KIAA1217: variants seen among roughly 807,000 people sequenced by gnomAD.
The protein encoded by KIAA1217 is KIAA1217.
Under a neutral mutation model 163.9 loss-of-function variants are expected in KIAA1217, and 88 were observed. The ratio of observed to expected loss-of-function variants is 0.54; its 90% CI spans 0.45 to 0.64. KIAA1217 has a LOEUF of 0.64. Ranked by LOEUF, KIAA1217 falls within the 30% of genes least tolerant of loss-of-function variation. KIAA1217 has a pLI of 0.00. For synonymous variants in KIAA1217, 903 were observed against 923.1 expected (o/e 0.98, Z 0.39); for missense variants, 2,372 against 2,475.0 (o/e 0.96, Z 0.88).
chr10:23,950,518 C>T (rs370934234), intron 1 of KIAA1217, among the ~76,000 whole-genome samples: 2 of 151,616 alleles, frequency 1.3e-5, no homozygotes, highest in African/African-American at 2.4e-5. Flanking sequence ...GTATTGAGCA[C>T]GAAAATTGGG....
chr10:24,410,798 T>G (rs560446353), intron 3 of KIAA1217, among the ~76,000 whole-genome samples: 4 of 152,354 alleles, frequency 2.6e-5, no homozygotes, highest in African/African-American at 9.6e-5. Flanking sequence ...GGATTGCCCT[T>G]GCATTTTGTT....
chr10:23,724,030 C>A (rs541641406), intron 1 of KIAA1217, among the ~76,000 whole-genome samples: 1 of 152,068 alleles, frequency 6.6e-6, no homozygotes, highest in Non-Finnish European at 1.5e-5. Flanking sequence ...AGAAAGCAAG[C>A]GGGGAGATGC....
At chr10:23,723,998 A>G (rs143825129) in intron 1 of KIAA1217, among the ~76,000 whole-genome samples, 27 of 152,358 alleles carry the variant, frequency 1.8e-4, no homozygotes, top group Admixed American at 1.8e-3. Flanking sequence ...CAGGCATCTT[A>G]CATGACAGGA....
At chr10:23,949,731 T>C (rs1442498053) in intron 1 of KIAA1217, among the ~76,000 whole-genome samples, 3 of 152,170 alleles carry the variant, frequency 2.0e-5, no homozygotes, top group Non-Finnish European at 2.9e-5. Flanking sequence ...TTTAAAAAGT[T>C]GAAAAGTGTT....
chr10:24,542,627 G>A, intron 17 of KIAA1217, 66 bp from the exon 18 acceptor site: 1 of 1,588,194 alleles, frequency 6.3e-7, no homozygotes, highest in Non-Finnish European at 8.6e-7. Flanking sequence ...GAACGATTTA[G>A]TTATAGTCCA....
chr10:23,716,880 A>G (rs1474848379), intron 1 of KIAA1217, among the ~76,000 whole-genome samples: 2 of 152,080 alleles, frequency 1.3e-5, no homozygotes, highest in African/African-American at 4.8e-5. Context: ...CTTTGTCATC[A>G]TCTATTGTTC....
chr10:24,099,266 T>C (rs1589492005), intron 2 of KIAA1217, among the ~76,000 whole-genome samples: 1 of 151,556 alleles, frequency 6.6e-6, no homozygotes, highest in East Asian at 1.9e-4. Context: ...ACATATGCCA[T>C]GTTGGTTTGC....
At position 24,264,765 on chromosome 10, in the gene KIAA1217, T is replaced by TC. The variant is rs2076051095; in HGVS notation, c.354+44856_354+44857insC. Among the ~76,000 whole-genome samples, 60 of 131,920 alleles carry TC rather than the reference T, an allele frequency of 4.5e-4. 1 individual carries two copies. In the East Asian group the frequency reaches 0.013, roughly 28 times the overall value. 86.5% of individuals were successfully genotyped at this position (131,920 alleles called of 152,430 possible). On this transcript the variant is annotated intron_variant, in intron 2 of 20. Coordinates refer to ENST00000376454, the MANE Select transcript of KIAA1217 (RefSeq NM_019590.5). ...TGCTCTTGTGGTGGTCGGTCGGTCT[T>TC]TCTCTCTCTCTCTCTCTCTCTCTCT...
intron 2 of KIAA1217, among the ~76,000 whole-genome samples, chr10:24,151,392 T>C (rs1430434763): frequency 7.3e-5 from 11 of 149,758 alleles, no homozygotes; most frequent in Non-Finnish European, 1.0e-4. Context: ...TGGGCACTTA[T>C]GCTGGGCAGG....
rs141393767 is a variant in KIAA1217 at position 24,375,474 on chromosome 10, G to A, written c.355-5395G>A. Reference sequence around the variant, plus strand: ...ATGGTAGAGAAAACCTAAATTCTGTGGATGATTTATTTGTTAATTTAATAT... The same window carrying A: ...ATGGTAGAGAAAACCTAAATTCTGTAGATGATTTATTTGTTAATTTAATAT... On this transcript the variant is annotated intron_variant, in intron 2 of 20. Coordinates refer to ENST00000376454, the MANE Select transcript of KIAA1217 (RefSeq NM_019590.5). Among the ~76,000 whole-genome samples the A allele has an allele frequency of 1.8e-3, 267 of 152,230 alleles. 4 individuals carry two copies. The highest frequency in any genetic ancestry group is 0.017 in the South Asian group (81 of 4,820).
At chr10:23,723,699 A>AT (rs1010099227) in intron 1 of KIAA1217, among the ~76,000 whole-genome samples, 2 of 152,196 alleles carry the variant, frequency 1.3e-5, no homozygotes, top group African/African-American at 4.8e-5. Context: ...CTGAATGAGA[A>AT]TTTTTATCAT....
chr10:23,804,783 C>G (rs1266791817), intron 1 of KIAA1217, among the ~76,000 whole-genome samples: 1 of 152,162 alleles, frequency 6.6e-6, no homozygotes, highest in Non-Finnish European at 1.5e-5. Flanking sequence ...GACAATAGAT[C>G]AGACTATATT....
At chr10:24,148,331 G>A (rs2064436060) in intron 2 of KIAA1217, among the ~76,000 whole-genome samples, 1 of 151,758 alleles carries the variant, frequency 6.6e-6, no homozygotes, top group South Asian at 2.1e-4. Flanking sequence ...ATACAGTTTT[G>A]TAAAGCTAAA....
intron 6 of KIAA1217, among the ~76,000 whole-genome samples, chr10:24,483,313 C>A (rs1255730046): frequency 6.6e-6 from 1 of 152,150 alleles, no homozygotes. Context: ...CCATCTCTCA[C>A]CTGACTTGCT....
At chr10:24,184,672 T>G (rs1478145859) in intron 2 of KIAA1217, among the ~76,000 whole-genome samples, 1 of 152,094 alleles carries the variant, frequency 6.6e-6, no homozygotes, top group Non-Finnish European at 1.5e-5. Context: ...CATGGGGAGG[T>G]CACTGGTCAA....
chr10:24,177,798 A>G (rs1347516733), intron 2 of KIAA1217, among the ~76,000 whole-genome samples: 1 of 152,130 alleles, frequency 6.6e-6, no homozygotes, highest in Non-Finnish European at 1.5e-5. Context: ...GGACCATTAC[A>G]TCTCTCAGAA....
intron 2 of KIAA1217, among the ~76,000 whole-genome samples, chr10:24,090,487 T>A (rs1430210098): frequency 6.6e-6 from 1 of 151,146 alleles, no homozygotes; most frequent in Non-Finnish European, 1.5e-5. Context: ...GCCAAAACTT[T>A]CTTAAACACA....
At chr10:24,112,370 C>T (rs78067319) in intron 2 of KIAA1217, among the ~76,000 whole-genome samples, 1 of 152,280 alleles carries the variant, frequency 6.6e-6, no homozygotes, top group South Asian at 2.1e-4. Context: ...TGTTTTATTT[C>T]TGTGCGAACA....
In KIAA1217 at chr10:23,986,280, G is replaced by A. The variant is rs538795780; in HGVS notation, c.-320-20945G>A. 2.6e-5 allele frequency among the ~76,000 whole-genome samples: 4 copies of A among 152,262 alleles called. No homozygotes were observed. The South Asian group carries it at 8.3e-4, about 32-fold the overall frequency. On this transcript the variant is annotated intron_variant, in intron 1 of 18. Coordinates refer to the KIAA1217 transcript ENST00000376462. ...TGACCATGAATTGGAGACACTGAAC[G>A]CAAACTTCATCCAATTTGCAATTTT... is the stretch of plus-strand genomic sequence containing the variant.
Sources: allele counts gnomAD v4.1 joint callset (sites outside exome capture counted in the v4.1 genomes callset), GRCh38; gene constraint gnomAD v4.1.1; transcripts MANE v1.5; gene names NCBI Gene and HGNC (gene_info 2026-07-23, HGNC 2026-07-21).